COG5: variants seen among roughly 807,000 people sequenced by gnomAD.
COG5 encodes component of oligomeric golgi complex 5, also known as conserved oligomeric Golgi complex subunit 5.
Under a neutral mutation model 110.4 loss-of-function variants are expected in COG5, and 86 were observed. The observed-to-expected ratio is 0.78, with a 90% CI of 0.65 to 0.93. COG5 has a LOEUF of 0.93. Ranked by LOEUF, COG5 falls within the 40% of genes least tolerant of loss-of-function variation. The pLI, the probability that COG5 is intolerant of heterozygous loss-of-function variation, is 0.00. For missense variants in COG5, 1,077 were observed against 987.0 expected, an observed-to-expected ratio of 1.09 and a Z score of -1.22; for synonymous variants, 360 against 334.6, an observed-to-expected ratio of 1.08 and a Z score of -0.83.
chr7:107,387,345 T>C (rs1584759949), intron 7 of COG5, among the ~76,000 whole-genome samples: 1 of 151,976 alleles, frequency 6.6e-6, no homozygotes, highest in Non-Finnish European at 1.5e-5. Context: ...AACGGGAAGG[T>C]CCACCCAGCC....
rs906444923 is a variant in COG5, at chr7:107,230,481, A to C, written c.2168+134T>G. On this transcript the variant is annotated intron_variant, in intron 19 of 21. Transcript: ENST00000297135. ...GGGTTTCTGATTTGAATACTTTCTA[A>C]GATGAATCATGAAATTGCCATTGTT... 3 of 755,674 alleles carry C rather than the reference A, an allele frequency of 4.0e-6. No individual in the cohort carries two copies. In the Admixed American group the frequency reaches 5.4e-5, roughly 14 times the overall value. 46.8% of individuals were successfully genotyped at this position (755,674 alleles called of 1,614,324 possible).
chr7:107,371,327 T>C (rs1814141428), intron 8 of COG5, among the ~76,000 whole-genome samples: 1 of 152,124 alleles, frequency 6.6e-6, no homozygotes, highest in African/African-American at 2.4e-5. Context: ...TGGTGGCTCA[T>C]GCCTGCAATC....
intron 16 of COG5, among the ~76,000 whole-genome samples, chr7:107,251,400 T>C (rs753698948): frequency 3.3e-5 from 5 of 152,144 alleles, no homozygotes; most frequent in African/African-American, 7.2e-5. Flanking sequence ...AGATTTTAAA[T>C]GATGATTTAA....
At chr7:107,210,081 A>C in intron 21 of COG5, 1 of 1,040,748 alleles carries the variant, frequency 9.6e-7, no homozygotes, top group Middle Eastern at 4.8e-4. Flanking sequence ...CATGGTATCC[A>C]AGTGGCTGCT....
intron 14 of COG5, among the ~76,000 whole-genome samples, chr7:107,270,060 C>T (rs914534997): frequency 1.3e-5 from 2 of 152,174 alleles, no homozygotes; most frequent in Non-Finnish European, 2.9e-5. Flanking sequence ...CAGTAATTGC[C>T]AGGCTGCTAC....
intron 14 of COG5, chr7:107,258,674 G>C: frequency 2.5e-6 from 1 of 401,096 alleles, no homozygotes. Context: ...ATGGACTCTT[G>C]AGGCAGGTGT....
intron 10 of COG5, among the ~76,000 whole-genome samples, chr7:107,344,519 T>A (rs1811434555): frequency 6.6e-6 from 1 of 152,156 alleles, no homozygotes; most frequent in Non-Finnish European, 1.5e-5. Context: ...TAAGATTGTT[T>A]TACTTTATTT....
chr7:107,364,531 G>T (rs1336165924), intron 8 of COG5, among the ~76,000 whole-genome samples: 1 of 152,124 alleles, frequency 6.6e-6, no homozygotes, highest in Non-Finnish European at 1.5e-5. Context: ...GAATCTTTAT[G>T]TAAAGGTTTG....
intron 6 of COG5, among the ~76,000 whole-genome samples, chr7:107,505,079 T>C (rs556754253): frequency 7.4e-4 from 113 of 152,338 alleles, no homozygotes; most frequent in Non-Finnish European, 1.5e-3. Flanking sequence ...CTGTCTCCCA[T>C]AGGGTTGAAA....
At chr7:107,446,939 G>C (rs987360176) in intron 6 of COG5, among the ~76,000 whole-genome samples, 5 of 152,194 alleles carry the variant, frequency 3.3e-5, no homozygotes, top group Admixed American at 2.6e-4. Context: ...CAGTTCTGTA[G>C]GTTAGAAGTC....
intron 10 of COG5, among the ~76,000 whole-genome samples, chr7:107,350,910 G>A (rs181411471): frequency 3.9e-5 from 6 of 152,136 alleles, no homozygotes; most frequent in Non-Finnish European, 5.9e-5. Flanking sequence ...CCTCACTACA[G>A]GTTCAACTAT....
At chr7:107,475,817 T>A (rs1262771128) in intron 6 of COG5, among the ~76,000 whole-genome samples, 1 of 151,770 alleles carries the variant, frequency 6.6e-6, no homozygotes, top group East Asian at 1.9e-4. Context: ...AACAATCCAG[T>A]ATTTTCCATA....
chr7:107,505,708 C>G (rs975285014), intron 6 of COG5, among the ~76,000 whole-genome samples: 1 of 152,208 alleles, frequency 6.6e-6, no homozygotes, highest in Non-Finnish European at 1.5e-5. Flanking sequence ...AAAGAAACTT[C>G]CCACCAGTGG....
chr7:107,388,069 T>A, intron 7 of COG5, among the ~76,000 whole-genome samples: 1 of 152,152 alleles, frequency 6.6e-6, no homozygotes, highest in Admixed American at 6.5e-5. Flanking sequence ...ATCACATCAA[T>A]TTTTCCACCA....
chr7:107,263,150 A>G (rs1803507703), intron 14 of COG5, among the ~76,000 whole-genome samples: 1 of 152,168 alleles, frequency 6.6e-6, no homozygotes, highest in Admixed American at 6.5e-5. Flanking sequence ...GTAACAAAGT[A>G]TCTTGTATAA....
intron 6 of COG5, among the ~76,000 whole-genome samples, chr7:107,449,519 T>C (rs921049471): frequency 5.9e-5 from 9 of 152,218 alleles, no homozygotes; most frequent in Non-Finnish European, 1.0e-4. Context: ...AGTATTGTGT[T>C]ATCACAATAG....
intron 7 of COG5, among the ~76,000 whole-genome samples, chr7:107,391,667 A>G (rs1225270068): frequency 6.6e-6 from 1 of 152,188 alleles, no homozygotes; most frequent in Admixed American, 6.5e-5. Flanking sequence ...TATATGGTGC[A>G]AGGTAAGGGA....
At chr7:107,280,024 A>G (rs945396766) in intron 14 of COG5, among the ~76,000 whole-genome samples, 8 of 152,078 alleles carry the variant, frequency 5.3e-5, no homozygotes, top group African/African-American at 1.9e-4. Flanking sequence ...TCTTTCTTAC[A>G]GTGTTATCTT....
At chr7:107,466,025 T>G (rs1239402545) in intron 6 of COG5, among the ~76,000 whole-genome samples, 1 of 151,916 alleles carries the variant, frequency 6.6e-6, no homozygotes, top group Non-Finnish European at 1.5e-5. Context: ...TCTGCATAAC[T>G]TAAGAGTAAG....
Sources: allele counts gnomAD v4.1 joint callset (sites outside exome capture counted in the v4.1 genomes callset), GRCh38; gene constraint gnomAD v4.1.1; transcripts MANE v1.5; gene names NCBI Gene and HGNC (gene_info 2026-07-23, HGNC 2026-07-21).